Variants in FGF14 observed in about 807,000 individuals in gnomAD.
FGF14 encodes fibroblast growth factor homologous factor 4.
In FGF14, 5 loss-of-function variants were observed where a neutral mutation model predicts 25.5. The observed-to-expected ratio is 0.20, with a 90% CI of 0.10 to 0.41. FGF14 has a LOEUF of 0.41. Ranked by LOEUF, FGF14 falls within the 10% of genes least tolerant of loss-of-function variation. The probability of loss-of-function intolerance (pLI) is 1.00; values close to 1 mark genes in which losing one functional copy is unlikely to be tolerated. For missense variants in FGF14, 222 were observed against 320.1 expected (o/e 0.69, Z 2.34); for synonymous variants, 138 against 118.3 (o/e 1.17, Z -1.08).
chr13:101,829,132 C>G (rs1291862718), intron 3 of FGF14, among the ~76,000 whole-genome samples: 1 of 151,990 alleles, frequency 6.6e-6, no homozygotes, highest in Non-Finnish European at 1.5e-5. Flanking sequence ...AAAGCAAAGT[C>G]AAGGAATAAT....
chr13:102,352,603 G>A (rs1345480065), intron 1 of FGF14, among the ~76,000 whole-genome samples: 3 of 152,056 alleles, frequency 2.0e-5, no homozygotes, highest in Non-Finnish European at 4.4e-5. Context: ...ACGAGGTCAG[G>A]AGATCGAGAC....
chr13:102,329,978 A>G (rs1436340371), intron 1 of FGF14, among the ~76,000 whole-genome samples: 1 of 152,152 alleles, frequency 6.6e-6, no homozygotes, highest in Non-Finnish European at 1.5e-5. Context: ...TGACTTGAGC[A>G]TCATGTTCAC....
intron 3 of FGF14, among the ~76,000 whole-genome samples, chr13:101,783,036 T>G (rs1232015458): frequency 6.6e-6 from 1 of 152,210 alleles, no homozygotes. Flanking sequence ...CTTGCCAGCA[T>G]CTGTTATTTT....
chr13:101,745,405 T>C (rs1210275593), intron 3 of FGF14, among the ~76,000 whole-genome samples: 4 of 152,102 alleles, frequency 2.6e-5, no homozygotes, highest in Non-Finnish European at 5.9e-5. Context: ...TTGGGTGCTG[T>C]ACATTCTATG....
intron 1 of FGF14, among the ~76,000 whole-genome samples, chr13:102,215,774 C>A (rs542254902): frequency 2.6e-5 from 4 of 152,324 alleles, no homozygotes; most frequent in African/African-American, 9.6e-5. Flanking sequence ...GTTTTTGAAT[C>A]ATCTGAAACT....
intron 1 of FGF14, among the ~76,000 whole-genome samples, chr13:101,914,505 T>C (rs530004797): frequency 8.5e-5 from 13 of 152,240 alleles, no homozygotes; most frequent in African/African-American, 2.6e-4. Context: ...TTACAGAACA[T>C]TGAAGATTGC....
intron 1 of FGF14, among the ~76,000 whole-genome samples, chr13:102,149,686 G>C (rs958297129): frequency 1.3e-5 from 2 of 152,184 alleles, no homozygotes; most frequent in Non-Finnish European, 2.9e-5. Context: ...AAGTTGGGGG[G>C]AGTAATAGGG....
At chr13:101,941,792 C>T (rs2035468933) in intron 1 of FGF14, among the ~76,000 whole-genome samples, 1 of 152,168 alleles carries the variant, frequency 6.6e-6, no homozygotes, top group Non-Finnish European at 1.5e-5. Flanking sequence ...TTCTACTTTC[C>T]TCTTCCACAC....
intron 3 of FGF14, among the ~76,000 whole-genome samples, chr13:101,861,663 G>A (rs1280556543): frequency 1.3e-5 from 2 of 151,912 alleles, no homozygotes; most frequent in Non-Finnish European, 2.9e-5. Flanking sequence ...CCACAGTAGT[G>A]GAGTGCATGC....
intron 1 of FGF14, among the ~76,000 whole-genome samples, chr13:101,985,461 T>C (rs1368417292): frequency 6.6e-6 from 1 of 152,124 alleles, no homozygotes; most frequent in East Asian, 1.9e-4. Flanking sequence ...ATGATTGCAT[T>C]CCTAAAATGC....
At position 101,722,600 on chromosome 13, in the gene FGF14, G is replaced by A. The variant is rs1424190001; in HGVS notation, c.*231C>T. ...GATATTAAAAAGGCATTCCATATCT[G>A]GTAGGGCATTCCATGGTCTGAGTTT... On this transcript the variant is annotated 3_prime_UTR_variant, in exon 5 of 5. Transcript: ENST00000376143. 3.4e-5 allele frequency: 20 copies of A among 579,958 alleles called. No individual in the cohort carries two copies. Among genetic ancestry groups the A allele is most frequent in the Non-Finnish European group, 6.2e-5 (20 of 323,674 alleles). 35.9% of individuals were successfully genotyped at this position (579,958 alleles called of 1,614,324 possible). A position where few individuals can be genotyped will look rare whatever the true frequency, so the allele number is the denominator to read the frequency against.
intron 1 of FGF14, among the ~76,000 whole-genome samples, chr13:102,193,171 G>A (rs1384111600): frequency 6.6e-6 from 1 of 152,088 alleles, no homozygotes; most frequent in African/African-American, 2.4e-5. Context: ...TCACAGTCCT[G>A]GAGGGCAGAA....
At chr13:101,895,010 T>A (rs2030416678) in intron 1 of FGF14, among the ~76,000 whole-genome samples, 1 of 152,208 alleles carries the variant, frequency 6.6e-6, no homozygotes, top group Admixed American at 6.5e-5. Context: ...TCATCCAATA[T>A]GGAGACATGT....
At chr13:102,362,005 C>A (rs1383573183) in intron 1 of FGF14, among the ~76,000 whole-genome samples, 1 of 152,130 alleles carries the variant, frequency 6.6e-6, no homozygotes, top group Non-Finnish European at 1.5e-5. Flanking sequence ...TCCATGGCCA[C>A]TGCCTTGGTT....
chr13:102,226,165 T>A (rs1253600750), intron 1 of FGF14, among the ~76,000 whole-genome samples: 1 of 152,150 alleles, frequency 6.6e-6, no homozygotes, highest in Non-Finnish European at 1.5e-5. Context: ...TATGTGGTGG[T>A]TACAAAGGTG....
At chr13:102,252,983 T>C (rs1361902096) in intron 1 of FGF14, among the ~76,000 whole-genome samples, 1 of 152,226 alleles carries the variant, frequency 6.6e-6, no homozygotes, top group Non-Finnish European at 1.5e-5. Context: ...TCCATGTCCC[T>C]GCAAAGGACA....
chr13:102,215,452 T>A (rs978509249), intron 1 of FGF14, among the ~76,000 whole-genome samples: 2 of 152,238 alleles, frequency 1.3e-5, no homozygotes, highest in African/African-American at 4.8e-5. Flanking sequence ...AAATCTGACA[T>A]ATGTTTCAGG....
At chr13:102,075,108 C>T (rs2043305197) in intron 1 of FGF14, among the ~76,000 whole-genome samples, 1 of 152,060 alleles carries the variant, frequency 6.6e-6, no homozygotes, top group African/African-American at 2.4e-5. Flanking sequence ...TAAAAGGCAT[C>T]CAAGACAGAG....
chr13:102,238,968 C>A (rs79023051), intron 1 of FGF14, among the ~76,000 whole-genome samples: 1 of 152,004 alleles, frequency 6.6e-6, no homozygotes, highest in Admixed American at 6.6e-5. Context: ...CCTATGTTGC[C>A]TATCTGCTTA....
Sources: allele counts gnomAD v4.1 joint callset (sites outside exome capture counted in the v4.1 genomes callset), GRCh38; gene constraint gnomAD v4.1.1; transcripts MANE v1.5; gene names NCBI Gene and HGNC (gene_info 2026-07-23, HGNC 2026-07-21).